Variants in SGO1 observed in about 807,000 individuals in gnomAD.
The protein encoded by SGO1 is serologically defined breast cancer antigen NY-BR-85.
SGO1 carries 39 observed loss-of-function variants against 50.5 expected under a neutral mutation model. The ratio of observed to expected loss-of-function variants is 0.77; its 90% CI spans 0.60 to 1.01. The LOEUF (loss-of-function observed/expected upper bound fraction) is 1.01, where lower values mean the gene tolerates loss of function less well. SGO1 is among the 50% of genes least tolerant of loss of function. The pLI is 0.00. For synonymous variants in SGO1, 191 were observed against 205.1 expected (o/e 0.93, Z 0.59); for missense variants, 638 against 606.0 (o/e 1.05, Z -0.55).
chr3:20,178,881 A>C (rs1701693343), intron 3 of SGO1, among the ~76,000 whole-genome samples: 1 of 152,232 alleles, frequency 6.6e-6, no homozygotes, highest in African/African-American at 2.4e-5. Context: ...ATTTTAGTCT[A>C]AGTATGATGG....
chr3:20,170,677 GAA>G lies in SGO1; in HGVS notation c.*25_*26del. The G allele has an allele frequency of 6.5e-7, 1 of 1,534,952 alleles. No individual in the cohort carries two copies. The highest frequency in any genetic ancestry group is 2.3e-5 in the Admixed American group (1 of 42,718). ...GAAGCAACAGAAAGAGGTGTAGATTGAATTTAAACAATATCCAACAAAACCTT... is the reference window on the plus strand; with the variant it reads ...GAAGCAACAGAAAGAGGTGTAGATTGTTTAAACAATATCCAACAAAACCTT... On this transcript the variant is annotated 3_prime_UTR_variant, in exon 8 of 8. Coordinates refer to ENST00000412997, the MANE Select transcript of SGO1 (RefSeq NM_001199251.3).
At chr3:20,178,893 A>C (rs762741787) in intron 3 of SGO1, among the ~76,000 whole-genome samples, 5 of 152,188 alleles carry the variant, frequency 3.3e-5, no homozygotes, top group Non-Finnish European at 5.9e-5. Context: ...GTATGATGGG[A>C]AGGTACTTAA....
At chr3:20,185,699 T>TA (rs778958342) in intron 1 of SGO1, among the ~76,000 whole-genome samples, 12 of 152,206 alleles carry the variant, frequency 7.9e-5, no homozygotes, top group Non-Finnish European at 1.6e-4. Flanking sequence ...CTTGTGTCCT[T>TA]ACGTTGAGCC....
chr3:20,185,639 A>G (rs1186878664), intron 1 of SGO1, among the ~76,000 whole-genome samples: 2 of 152,232 alleles, frequency 1.3e-5, no homozygotes, highest in Admixed American at 1.3e-4. Flanking sequence ...TGGCCTGGAC[A>G]AGGAGGACGT....
exon 9 of SGO1, chr3:20,161,149 C>T: frequency 1.2e-6 from 2 of 1,613,786 alleles, no homozygotes; most frequent in South Asian, 2.2e-5. Flanking sequence ...TTCCTACAGT[C>T]TGGGAATCTC....
In SGO1 at chr3:20,183,662, C is replaced by G. The variant is rs1258829975; in HGVS notation, c.285G>C (p.Gln95His). The change falls in exon 3 of 8, where the codon CAG (glutamine) becomes CAC (histidine). Residue 95 changes from glutamine to histidine, a missense_variant. Transcript: ENST00000412997. ...TAAGTTTTCCTTTCAATGCATATAGCTGACATGTGAGATAGTAACATTCTT... is the reference window on the plus strand; with the variant it reads ...TAAGTTTTCCTTTCAATGCATATAGGTGACATGTGAGATAGTAACATTCTT... ...LRKECYYLTC[Q>H]LYALKGKLTS... is the part of the protein sequence containing the mutation. The G allele has an allele frequency of 6.2e-7, 1 of 1,610,864 alleles. No homozygotes were observed. The highest frequency in any genetic ancestry group is 2.2e-5 in the East Asian group (1 of 44,780).
chr3:20,165,967 C>T (rs62241673), downstream of SGO1, among the ~76,000 whole-genome samples: 28,774 of 152,006 alleles, frequency 0.19, 3,107 homozygotes, highest in East Asian at 0.38. Flanking sequence ...ACAGGAGAAT[C>T]GCTGGAACCC....
At chr3:20,169,079 G>T (rs1231825796), downstream of SGO1, 10 of 985,226 alleles carry the variant, frequency 1.0e-5, no homozygotes, top group Non-Finnish European at 1.1e-5. Context: ...AGACTAGGGT[G>T]TATGAATCAG....
intron 8 of SGO1, among the ~76,000 whole-genome samples, chr3:20,163,561 A>G (rs971582909): frequency 6.6e-6 from 1 of 152,200 alleles, no homozygotes; most frequent in East Asian, 1.9e-4. Context: ...CTAAATGGAA[A>G]TATAGTACTA....
chr3:20,169,369 C>A (rs995125214), downstream of SGO1: 14 of 984,592 alleles, frequency 1.4e-5, no homozygotes, highest in East Asian at 5.7e-4. Context: ...GAACACCCCC[C>A]CCTCAAAAAA....
At chr3:20,165,344 C>T (rs893212673), downstream of SGO1, among the ~76,000 whole-genome samples, 4 of 152,168 alleles carry the variant, frequency 2.6e-5, no homozygotes, top group African/African-American at 9.7e-5. Flanking sequence ...ACCCAAACAC[C>T]TGCTATTAGA....
At chr3:20,184,580 G>C (rs571621562) in intron 1 of SGO1, among the ~76,000 whole-genome samples, 1 of 152,148 alleles carries the variant, frequency 6.6e-6, no homozygotes, top group Non-Finnish European at 1.5e-5. Context: ...TCTCAAGAAA[G>C]TCAAGGTACT....
In SGO1 at chr3:20,171,168, C is replaced by T; in HGVS notation, c.1347G>A (p.Leu449=). The T allele has an allele frequency of 6.2e-7, 1 of 1,612,716 alleles. No individual in the cohort carries two copies. The highest frequency in any genetic ancestry group is 8.5e-7 in the Non-Finnish European group (1 of 1,179,580). ...LSLKDITNVS[L]YPVVKIRRLS... is the part of the protein sequence containing the mutation. Reference sequence around the variant, plus strand: ...GTCTTCTGATTTTCACAACAGGATACAAGGAGACATTGGTGATATCCTTCA... The same window carrying T: ...GTCTTCTGATTTTCACAACAGGATATAAGGAGACATTGGTGATATCCTTCA... The change falls in exon 7 of 8, where the codon TTG becomes TTA. Residue 449 remains leucine (L), a synonymous_variant. Coordinates refer to ENST00000412997, the MANE Select transcript of SGO1 (RefSeq NM_001199251.3).
intron 8 of SGO1, among the ~76,000 whole-genome samples, chr3:20,164,165 C>T (rs771077757): frequency 1.8e-4 from 28 of 152,068 alleles, no homozygotes; most frequent in Non-Finnish European, 3.4e-4. Flanking sequence ...CTCTCACAAA[C>T]GTAGATGTGA....
At chr3:20,175,694 G>C (rs967356568) in intron 5 of SGO1, among the ~76,000 whole-genome samples, 3 of 151,902 alleles carry the variant, frequency 2.0e-5, no homozygotes, top group African/African-American at 2.4e-5. Context: ...AACTACTCGG[G>C]AGACTGAGGC....
chr3:20,175,895 C>T (rs537202017), intron 5 of SGO1, among the ~76,000 whole-genome samples: 1 of 151,936 alleles, frequency 6.6e-6, no homozygotes, highest in East Asian at 1.9e-4. Flanking sequence ...GAAGTAGAAC[C>T]GCATATTCCA....
At chr3:20,178,745 C>A (rs544292915) in intron 3 of SGO1, among the ~76,000 whole-genome samples, 16 of 152,248 alleles carry the variant, frequency 1.1e-4, no homozygotes, top group Admixed American at 7.8e-4. Context: ...AGCAAATACA[C>A]ATAAGAAAAA....
rs1164565785 is a variant in SGO1 at position 20,183,590 on chromosome 3, C to T, written c.339+18G>A. 1 of 1,547,498 alleles carries T rather than the reference C, an allele frequency of 6.5e-7. No individual in the cohort carries two copies. Among genetic ancestry groups the T allele is most frequent in the African/African-American group, 1.4e-5 (1 of 71,672 alleles). Reference sequence around the variant, plus strand: ...GGCTTAACTAAACTAAGAAATTCGGCCTTAGTAATGAAAATACCTGAGCAG... The same window carrying T: ...GGCTTAACTAAACTAAGAAATTCGGTCTTAGTAATGAAAATACCTGAGCAG... On this transcript the variant is annotated intron_variant, in intron 3 of 7. Transcript: ENST00000412997.
chr3:20,163,389 T>C (rs190086723), intron 8 of SGO1, among the ~76,000 whole-genome samples: 112 of 152,226 alleles, frequency 7.4e-4, no homozygotes, highest in Middle Eastern at 6.8e-3. Context: ...AGAACTAACA[T>C]TGGAATTGTC....
Sources: gnomAD v4.1 joint callset for allele counts (sites outside exome capture counted in the v4.1 genomes callset) on GRCh38, gnomAD v4.1.1 for gene constraint, MANE v1.5 for transcripts, NCBI Gene and HGNC (gene_info 2026-07-23, HGNC 2026-07-21) for gene names.